The following RCOR3 variants were observed in gnomAD, a reference collection of about 807,000 sequenced individuals.
The protein encoded by RCOR3 is REST corepressor 3.
A neutral mutation model predicts 64.1 loss-of-function variants in RCOR3; 13 were observed. The observed-to-expected ratio is 0.20, with a 90% CI of 0.13 to 0.32. The LOEUF is 0.32. RCOR3 is among the 10% of genes least tolerant of loss of function. RCOR3 has a pLI of 1.00. For synonymous variants in RCOR3, 215 were observed against 239.0 expected, an observed-to-expected ratio of 0.90 and a Z score of 0.93; for missense variants, 489 against 701.2, an observed-to-expected ratio of 0.70 and a Z score of 3.42.
intron 10 of RCOR3, among the ~76,000 whole-genome samples, chr1:211,304,708 C>A (rs4951740): frequency 0.96 from 146,608 of 152,324 alleles, 70,574 homozygotes; most frequent in East Asian, 1. Context: ...TCAGCATTTT[C>A]AATGCACTAT....
At chr1:211,267,765 G>C (rs1695450231) in intron 2 of RCOR3, 1 of 303,354 alleles carries the variant, frequency 3.3e-6, no homozygotes, top group African/African-American at 2.3e-5. Context: ...CTAATTTTTT[G>C]TGTTTTTAGT....
chr1:211,279,364 GA>G, intron 7 of RCOR3, 48 bp downstream of exon 7: 1 of 1,372,762 alleles, frequency 7.3e-7, no homozygotes, highest in South Asian at 1.2e-5. Context: ...CAAATCTGCT[GA>G]AAAAGAATGA....
chr1:211,284,625 G>T (rs2102544389), intron 7 of RCOR3, among the ~76,000 whole-genome samples: 1 of 152,188 alleles, frequency 6.6e-6, no homozygotes, highest in Admixed American at 6.5e-5. Context: ...CTGGGCTCAA[G>T]CCATCCTCTT....
Position 211,271,517 on chromosome 1 carries a change from A to G in RCOR3, c.301+208A>G, listed in dbSNP as rs1245729112. 5 of 632,312 alleles carry G rather than the reference A, an allele frequency of 7.9e-6. No individual in the cohort carries two copies. In the African/African-American group the frequency reaches 9.0e-5, roughly 11 times the overall value. The allele number at this position is 632,312 out of a possible 1,614,324, so 39.2% of individuals were successfully genotyped here. On this transcript the variant is annotated intron_variant, in intron 3 of 11. Transcript: ENST00000419091. ...GGAAGATAGTGGGTTGATCATTCCA[A>G]TTTGTGTCAGGCCCATGAAGAATGA... is the stretch of plus-strand genomic sequence containing the variant.
At chr1:211,289,754 C>T (rs753224429) in intron 8 of RCOR3, among the ~76,000 whole-genome samples, 1 of 152,044 alleles carries the variant, frequency 6.6e-6, no homozygotes, top group Non-Finnish European at 1.5e-5. Flanking sequence ...TTTGAGTGCT[C>T]AGTGAGTGAT....
chr1:211,294,691 G>A (rs34471989), intron 8 of RCOR3, among the ~76,000 whole-genome samples: 6,270 of 147,374 alleles, frequency 0.043, 214 homozygotes, highest in South Asian at 0.065. Flanking sequence ...CTGGGTTCAC[G>A]CCATTCTGCT....
chr1:211,263,996 G>A (rs1443005333), intron 2 of RCOR3, among the ~76,000 whole-genome samples: 1 of 151,930 alleles, frequency 6.6e-6, no homozygotes, highest in African/African-American at 2.4e-5. Context: ...TTTGTTTTTT[G>A]TATTTTTGTA....
intron 1 of RCOR3, 162 bp from the exon 2 acceptor site, chr1:211,259,946 C>T: frequency 7.3e-7 from 1 of 1,375,020 alleles, no homozygotes; most frequent in Non-Finnish European, 9.4e-7. Context: ...TCCCCGCCCC[C>T]AATCCGCTGC....
intron 2 of RCOR3, among the ~76,000 whole-genome samples, chr1:211,263,815 G>T (rs933294658): frequency 2.1e-4 from 3 of 14,492 alleles, no homozygotes; most frequent in Non-Finnish European, 5.1e-4. Context: ...AGTTTTTTTT[G>T]TTTTGTTTTT....
chr1:211,267,695 G>C (rs566865816), intron 2 of RCOR3: 1 of 230,338 alleles, frequency 4.3e-6, no homozygotes, highest in African/African-American at 2.4e-5. Flanking sequence ...GGGCTCAGGC[G>C]ATCCTCCCAC....
intron 5 of RCOR3, 67 bp from the exon 6 acceptor site, chr1:211,278,050 A>G (rs1168858428): frequency 2.9e-6 from 4 of 1,362,208 alleles, no homozygotes; most frequent in Non-Finnish European, 4.0e-6. Context: ...AATAGTAAAG[A>G]TATCATCAAA....
At chr1:211,286,377 G>A (rs559588090) in intron 7 of RCOR3, among the ~76,000 whole-genome samples, 9 of 150,522 alleles carry the variant, frequency 6.0e-5, no homozygotes, top group Non-Finnish European at 1.3e-4. Flanking sequence ...GCGTGATCTC[G>A]GCTCACTGCA....
At chr1:211,304,825 T>TA in intron 10 of RCOR3, among the ~76,000 whole-genome samples, 1 of 152,346 alleles carries the variant, frequency 6.6e-6, no homozygotes, top group East Asian at 1.9e-4. Flanking sequence ...TTAAATGACT[T>TA]AAAGACAAGT....
chr1:211,282,382 GTTTTAA>G (rs769010559), intron 7 of RCOR3, among the ~76,000 whole-genome samples: 5 of 151,974 alleles, frequency 3.3e-5, no homozygotes, highest in Non-Finnish European at 5.9e-5. Flanking sequence ...TACATAGAAA[GTTTTAA>G]TTTTAACTTT....
Position 211,263,031 on chromosome 1 carries a change from C to T in RCOR3, c.223+2867C>T, listed in dbSNP as rs550171257. ...ATGTTATCCCTCCCCCCTGCCCCCA[C>T]CCCACAACAGTCCCCAGAGTGTGAT... On this transcript the variant is annotated intron_variant, in intron 2 of 11. Coordinates refer to ENST00000419091, the MANE Select transcript of RCOR3 (RefSeq NM_001136223.3). Among the ~76,000 whole-genome samples, 376 of 107,366 alleles carry T rather than the reference C, an allele frequency of 3.5e-3. 3 individuals carry two copies. Among genetic ancestry groups the T allele is most frequent in the African/African-American group, 0.012 (352 of 28,600 alleles). The allele number at this position is 107,366 out of a possible 152,430, so 70.4% of individuals were successfully genotyped here.
chr1:211,260,625 A>G (rs1266025737), intron 2 of RCOR3, among the ~76,000 whole-genome samples: 1 of 152,208 alleles, frequency 6.6e-6, no homozygotes, highest in Non-Finnish European at 1.5e-5. Context: ...CGGGGAAGCC[A>G]AGGGCGAGCC....
At chr1:211,259,946 C>CCA in intron 1 of RCOR3, 162 bp from the exon 2 acceptor site, 6 of 1,374,774 alleles carry the variant, frequency 4.4e-6, no homozygotes, top group African/African-American at 1.5e-5. Flanking sequence ...TCCCCGCCCC[C>CCA]AATCCGCTGC....
chr1:211,305,076 T>G (rs530468111), intron 10 of RCOR3, among the ~76,000 whole-genome samples: 31 of 152,330 alleles, frequency 2.0e-4, no homozygotes, highest in African/African-American at 7.5e-4. Flanking sequence ...GAGAACATAC[T>G]TAATACAAAA....
At chr1:211,269,887 G>A (rs954532481) in intron 2 of RCOR3, among the ~76,000 whole-genome samples, 1 of 151,978 alleles carries the variant, frequency 6.6e-6, no homozygotes, top group Admixed American at 6.6e-5. Context: ...CAACTACTTG[G>A]GAGGCTGAGG....
Sources: allele counts gnomAD v4.1 joint callset (sites outside exome capture counted in the v4.1 genomes callset), GRCh38; gene constraint gnomAD v4.1.1; transcripts MANE v1.5; gene names NCBI Gene and HGNC (gene_info 2026-07-23, HGNC 2026-07-21).